Variants in DOT1L observed in about 807,000 individuals in gnomAD.
DOT1L encodes the protein DOT1 like histone lysine methyltransferase.
Under a neutral mutation model 153.3 loss-of-function variants are expected in DOT1L, and 33 were observed. That is an observed-to-expected ratio of 0.22 (90% CI 0.16 to 0.29). The LOEUF (loss-of-function observed/expected upper bound fraction) is 0.29. Ranked by LOEUF, DOT1L falls within the 10% of genes least tolerant of loss-of-function variation. DOT1L has a pLI of 1.00. For missense variants in DOT1L, 1,847 were observed against 2,119.9 expected, an observed-to-expected ratio of 0.87 and a Z score of 2.53; for synonymous variants, 1,135 against 965.1, an observed-to-expected ratio of 1.18 and a Z score of -3.26.
In DOT1L at chr19:2,207,668, C is replaced by A. The variant is rs778762925; in HGVS notation, c.951C>A (p.Ile317=). The A allele has an allele frequency of 6.2e-7, 1 of 1,612,052 alleles. No individual in the cohort carries two copies. Among genetic ancestry groups the A allele is most frequent in the African/African-American group, 1.3e-5 (1 of 74,898 alleles). ...GKPVSYYLHT[I]DRTILENYFS... is the part of the protein sequence containing the mutation. ...CAGTCTCCTACTACCTGCACACTAT[C>A]GACCGCACCATAGTGAGTATCTCGC... Residue 317 remains isoleucine (I), a synonymous_variant, in exon 11 of 28, where the codon ATC becomes ATA. Coordinates refer to ENST00000398665, the MANE Select transcript of DOT1L (RefSeq NM_032482.3). This position sits in a 1 kb window ranked among gnomAD's most constrained non-coding sequence, Gnocchi z 4.5.
intron 1 of DOT1L, 99 bp from the exon 2 acceptor site, chr19:2,180,611 TGAA>T: frequency 7.0e-7 from 1 of 1,418,944 alleles, no homozygotes. Context: ...AGTTGGGAAA[TGAA>T]GAGATGGGAA....
chr19:2,216,134 C>A (rs943894292), intron 19 of DOT1L, 147 bp from the exon 20 acceptor site: 2 of 1,234,488 alleles, frequency 1.6e-6, no homozygotes, highest in Non-Finnish European at 2.2e-6. Context: ...CCGACCCCGC[C>A]TCTATGTGGT....
In DOT1L at chr19:2,226,269, G is replaced by A. The variant is rs927525441; in HGVS notation, c.3748G>A (p.Asp1250Asn). 5.0e-6 allele frequency: 8 copies of A among 1,589,678 alleles called. No homozygotes were observed. Among genetic ancestry groups the A allele is most frequent in the East Asian group, 2.3e-5 (1 of 44,172 alleles). ...GAAGTCCACCTTCTCGCCCATCTCC[G>A]ACATCGGCCTGGCCAAGTCGGCGGA... is the stretch of plus-strand genomic sequence containing the variant. ...KWKSTFSPISDIGLAKSADSP... is the reference protein window; with the variant it reads ...KWKSTFSPISNIGLAKSADSP... Residue 1250 changes from aspartate to asparagine, a missense_variant, in exon 27 of 28, where the codon GAC becomes AAC. By Grantham distance (23) the Asp-to-Asn change is conservative. Coordinates refer to ENST00000398665, the MANE Select transcript of DOT1L (RefSeq NM_032482.3).
chr19:2,200,451 C>T (rs936278675), intron 8 of DOT1L, among the ~76,000 whole-genome samples: 3 of 152,222 alleles, frequency 2.0e-5, no homozygotes, highest in Non-Finnish European at 4.4e-5. Flanking sequence ...TCCGTCCCCA[C>T]CGCCACCTGT....
chr19:2,209,217 T>C (rs1251580198), intron 12 of DOT1L, among the ~76,000 whole-genome samples: 1 of 151,932 alleles, frequency 6.6e-6, no homozygotes, highest in Non-Finnish European at 1.5e-5. Context: ...AGCCCTTTTC[T>C]CTCACCATTC....
At position 2,226,249 on chromosome 19, in the gene DOT1L, C is replaced by A; in HGVS notation, c.3728C>A (p.Ser1243Tyr). The A allele has an allele frequency of 6.4e-7, 1 of 1,569,270 alleles. No individual in the cohort carries two copies. The change falls in exon 27 of 28, where the codon TCC becomes TAC. Residue 1243 changes from serine (S) to tyrosine (Y), a missense_variant. By Grantham distance (144) the Ser-to-Tyr change is moderately radical. This residue lies in a region of DOT1L where 934 missense variants were observed against 825.3 expected (regional missense o/e 1.13). Coordinates refer to ENST00000398665, the MANE Select transcript of DOT1L (RefSeq NM_032482.3). ...GEPVNSSKWK[S>Y]TFSPISDIGL... ...CCAGTCAATAGCAGCAAGTGGAAGT[C>A]CACCTTCTCGCCCATCTCCGACATC...
In DOT1L at chr19:2,219,979, C is replaced by T. The variant is rs985315455; in HGVS notation, c.2692-129C>T. On this transcript the variant is annotated intron_variant, in intron 22 of 27. Transcript: ENST00000398665. ...GTTCCCCCGCTGCCCTCTTCCCACG[C>T]GGTACTGGACGGTGACCCCGGCGGC... The T allele has an allele frequency of 4.6e-5, 35 of 754,382 alleles. 1 individual carries two copies. The highest frequency in any genetic ancestry group is 3.7e-4 in the South Asian group (20 of 54,338). The allele number at this position is 754,382 out of a possible 1,614,324, so 46.7% of individuals were successfully genotyped here.
intron 27 of DOT1L, chr19:2,228,109 C>T (rs142768197): frequency 2.7e-5 from 36 of 1,357,804 alleles, no homozygotes; most frequent in East Asian, 4.6e-5. Flanking sequence ...TTGCCCCCCA[C>T]CTCTGCTGCC....
intron 4 of DOT1L, 48 bp downstream of exon 4, chr19:2,189,843 C>T (rs369044072): frequency 5.3e-5 from 85 of 1,598,634 alleles, no homozygotes; most frequent in African/African-American, 3.9e-4. Flanking sequence ...GCCAGGCTCC[C>T]GGACCCCTCC....
At chr19:2,195,156 G>C (rs2022963537) in intron 7 of DOT1L, among the ~76,000 whole-genome samples, 1 of 152,082 alleles carries the variant, frequency 6.6e-6, no homozygotes, top group South Asian at 2.1e-4. Flanking sequence ...GGTGGGAAGG[G>C]GATGCTGTTT....
chr19:2,210,416 C>A lies in DOT1L; in HGVS notation c.1022C>A (p.Ala341Asp). The A allele has an allele frequency of 6.5e-7, 1 of 1,544,972 alleles. No homozygotes were observed. Among genetic ancestry groups the A allele is most frequent in the Non-Finnish European group, 8.7e-7 (1 of 1,148,050 alleles). ...TCCTTCCAGGAGGAACAGGAGGCAG[C>A]CCGGCGCCGCCAGCAGCGCGAGAGC... ...NPKLREEQEAARRRQQRESKS... is the reference protein window; with the variant it reads ...NPKLREEQEADRRRQQRESKS... The change falls in exon 13 of 28, where the codon GCC becomes GAC. Residue 341 changes from alanine to aspartate, a missense_variant. Ala to Asp is a moderately radical substitution (Grantham distance 126). This residue lies in a region of DOT1L where 205 missense variants were observed against 203.1 expected (regional missense o/e 1.01). Coordinates refer to ENST00000398665, the MANE Select transcript of DOT1L (RefSeq NM_032482.3).
Position 2,206,817 on chromosome 19 carries a change from T to C in DOT1L, c.856+20T>C. On this transcript the variant is annotated intron_variant, in intron 10 of 27. Transcript: ENST00000398665. ...TGAGTGGTAAGAAACTCTCATGTTG[T>C]TAATGATGAACACGGGTAATTTTAA... The C allele has an allele frequency of 6.2e-7, 1 of 1,609,598 alleles. No individual in the cohort carries two copies. The highest frequency in any genetic ancestry group is 8.5e-7 in the Non-Finnish European group (1 of 1,176,092).
intron 1 of DOT1L, among the ~76,000 whole-genome samples, chr19:2,172,943 C>T (rs957319341): frequency 6.6e-6 from 1 of 151,344 alleles, no homozygotes; most frequent in East Asian, 2.0e-4. Context: ...TGCCACTGCA[C>T]TCCAGCCTGG....
Position 2,208,696 on chromosome 19 carries a change from T to G in DOT1L, c.964-239T>G, listed in dbSNP as rs997676779. On this transcript the variant is annotated intron_variant, in intron 11 of 27. Coordinates refer to ENST00000398665, the MANE Select transcript of DOT1L (RefSeq NM_032482.3). This position sits in a 1 kb window ranked among gnomAD's most constrained non-coding sequence, Gnocchi z 4.4. ...AGGGCCCTGTGTCTGTTCTGAAGGC[T>G]TAAACCAGCCCCGCCCACCCGTCGC... Among the ~76,000 whole-genome samples, 4 of 152,110 alleles carry G rather than the reference T, an allele frequency of 2.6e-5. No homozygotes were observed. The highest frequency in any genetic ancestry group is 5.9e-5 in the Non-Finnish European group (4 of 68,000).
In DOT1L at chr19:2,207,942, T is replaced by G. The variant is rs2023567595; in HGVS notation, c.963+262T>G. Among the ~76,000 whole-genome samples the G allele has an allele frequency of 6.6e-6, 1 of 152,068 alleles. No homozygotes were observed. The highest frequency in any genetic ancestry group is 2.1e-4 in the South Asian group (1 of 4,828). ...TCTCCCCTAGTCTACGCTCAGCTCC[T>G]GGGGTGGGGCGGGGCCATCAGAGTG... On this transcript the variant is annotated intron_variant, in intron 11 of 27. Coordinates refer to ENST00000398665, the MANE Select transcript of DOT1L (RefSeq NM_032482.3). This position sits in a 1 kb window ranked among gnomAD's most constrained non-coding sequence, Gnocchi z 4.5.
At chr19:2,165,049 G>A (rs971642282) in intron 1 of DOT1L, among the ~76,000 whole-genome samples, 1 of 152,216 alleles carries the variant, frequency 6.6e-6, no homozygotes, top group African/African-American at 2.4e-5. Flanking sequence ...GCACCCCACC[G>A]GGTGGTTCCA....
intron 16 of DOT1L, 114 bp from the exon 17 acceptor site, chr19:2,213,425 A>G: frequency 9.4e-7 from 1 of 1,061,986 alleles, no homozygotes; most frequent in Non-Finnish European, 1.4e-6. Context: ...CCCCTCAGGC[A>G]TGTCTGTCCT....
chr19:2,227,117 C>T lies in DOT1L; in HGVS notation c.4596C>T (p.Gly1532=), dbSNP rs1318509485. Residue 1532 remains glycine (G), a synonymous_variant, in exon 27 of 28, where the codon GGC becomes GGT. Coordinates refer to ENST00000398665, the MANE Select transcript of DOT1L (RefSeq NM_032482.3). ...GCAGCTTTTCCGGGGTGGCAGGCGG[C>T]ACAGTTGGAGGTAGGCAGGGCGGCC... ...AMGSFSGVAG[G]TVGGN 1 of 1,554,188 alleles carries T rather than the reference C, an allele frequency of 6.4e-7. No homozygotes were observed.
rs778873950 is a variant in DOT1L, at chr19:2,226,872, G to C, written c.4351G>C (p.Ala1451Pro). ...CGGCCTGGCCCCGGCGGCGTCCTCC[G>C]CAGGCGGCGCGGCGTCCTCCGCCCA... The part of the protein sequence containing the change: ...GPGLAPAASS[A>P]GGAASSAQTH... Residue 1451 changes from alanine (A) to proline (P), a missense_variant, in exon 27 of 28, where the codon GCA (alanine) becomes CCA (proline). This residue lies in a region of DOT1L where 934 missense variants were observed against 825.3 expected (regional missense o/e 1.13). Transcript: ENST00000398665. The C allele has an allele frequency of 1.8e-5, 28 of 1,572,242 alleles. No individual in the cohort carries two copies. The Admixed American group carries it at 2.9e-4, about 16-fold the overall frequency.
Sources: allele counts gnomAD v4.1 joint callset (sites outside exome capture counted in the v4.1 genomes callset), GRCh38; gene constraint gnomAD v4.1.1; regional missense constraint gnomAD v4.1.1; non-coding constraint Gnocchi (gnomAD v3.1); transcripts MANE v1.5; gene names NCBI Gene and HGNC (gene_info 2026-07-23, HGNC 2026-07-21).